The following CDH20 variants were observed in gnomAD, a reference collection of about 807,000 sequenced individuals.
The protein encoded by CDH20 is cadherin 20, also known as cadherin-20.
CDH20 carries 29 observed loss-of-function variants against 74.2 expected under a neutral mutation model. The observed-to-expected ratio is 0.39, with a 90% CI of 0.29 to 0.53. The LOEUF (loss-of-function observed/expected upper bound fraction) is 0.53, where lower values mean the gene tolerates loss of function less well. CDH20 is among the 20% of genes least tolerant of loss of function. The probability of loss-of-function intolerance (pLI) is 0.69; values close to 1 mark genes in which losing one functional copy is unlikely to be tolerated. For synonymous variants in CDH20, 469 were observed against 405.4 expected, an observed-to-expected ratio of 1.16 and a Z score of -1.88; for missense variants, 988 against 1,048.3, an observed-to-expected ratio of 0.94 and a Z score of 0.79.
At chr18:61,454,239 T>C (rs1460201475) in intron 1 of CDH20, among the ~76,000 whole-genome samples, 4 of 152,312 alleles carry the variant, frequency 2.6e-5, no homozygotes, top group Non-Finnish European at 4.4e-5. Context: ...AAATCTTTTA[T>C]CCCGCTCTGT....
chr18:61,503,171 C>G (rs1911445310), intron 5 of CDH20, 51 bp downstream of exon 5: 1 of 1,419,440 alleles, frequency 7.0e-7, no homozygotes, highest in Admixed American at 2.4e-5. Context: ...AGGGACGCAC[C>G]CGTTGCAGAG....
intron 3 of CDH20, among the ~76,000 whole-genome samples, chr18:61,499,974 C>T (rs189250776): frequency 1.9e-4 from 29 of 151,556 alleles, no homozygotes; most frequent in Admixed American, 1.3e-3. Context: ...TGTGGTGGTG[C>T]GCACCTATAG....
intron 1 of CDH20, among the ~76,000 whole-genome samples, chr18:61,420,402 G>A (rs1293726662): frequency 6.7e-6 from 1 of 149,634 alleles, no homozygotes; most frequent in African/African-American, 2.5e-5. Flanking sequence ...TGACCTCCGT[G>A]GGCCGGGCTA....
chr18:61,397,695 C>T (rs1427244437), intron 1 of CDH20, among the ~76,000 whole-genome samples: 2 of 152,114 alleles, frequency 1.3e-5, no homozygotes, highest in East Asian at 1.9e-4. Flanking sequence ...ACTTTGAAGC[C>T]AGCCTGCCTG....
chr18:61,374,234 C>T (rs914194219), intron 1 of CDH20, among the ~76,000 whole-genome samples: 3 of 152,072 alleles, frequency 2.0e-5, no homozygotes, highest in Non-Finnish European at 2.9e-5. Context: ...ATTGAGTTGT[C>T]TTGTCAACAC....
intron 2 of CDH20, among the ~76,000 whole-genome samples, chr18:61,498,708 A>T (rs1356200388): frequency 6.6e-6 from 1 of 152,234 alleles, no homozygotes; most frequent in African/African-American, 2.4e-5. Flanking sequence ...TAACCTTTTT[A>T]TAAACTACTT....
intron 11 of CDH20, among the ~76,000 whole-genome samples, chr18:61,552,436 A>C (rs1334759247): frequency 6.6e-6 from 1 of 152,062 alleles, no homozygotes; most frequent in Non-Finnish European, 1.5e-5. Flanking sequence ...TTTATTTTTC[A>C]AAAGACGGAC....
At chr18:61,532,458 AT>A (rs746949518) in intron 7 of CDH20, among the ~76,000 whole-genome samples, 10 of 152,148 alleles carry the variant, frequency 6.6e-5, no homozygotes, top group Non-Finnish European at 1.0e-4. Flanking sequence ...CAGAAAAAAA[AT>A]ATACATTGTA....
At chr18:61,520,347 A>C (rs1912163071) in intron 6 of CDH20, among the ~76,000 whole-genome samples, 1 of 148,504 alleles carries the variant, frequency 6.7e-6, no homozygotes, top group Non-Finnish European at 1.5e-5. Context: ...AAAGAAGGGC[A>C]TTACAGAATG....
At chr18:61,402,575 C>A (rs1912191571) in intron 1 of CDH20, among the ~76,000 whole-genome samples, 1 of 152,144 alleles carries the variant, frequency 6.6e-6, no homozygotes, top group Non-Finnish European at 1.5e-5. Context: ...ATATGAATAA[C>A]CTGCCTGATG....
At chr18:61,437,525 G>C (rs1908878405) in intron 1 of CDH20, among the ~76,000 whole-genome samples, 1 of 152,166 alleles carries the variant, frequency 6.6e-6, no homozygotes, top group Non-Finnish European at 1.5e-5. Context: ...GAAAGGATTT[G>C]TTAACCCCAC....
At chr18:61,481,290 A>C (rs1009106402) in intron 1 of CDH20, among the ~76,000 whole-genome samples, 1 of 152,222 alleles carries the variant, frequency 6.6e-6, no homozygotes, top group African/African-American at 2.4e-5. Context: ...AGGAAGTTAA[A>C]AATACATATA....
In CDH20 at chr18:61,536,537, T is replaced by C; in HGVS notation, c.1316T>C (p.Val439Ala). The change falls in exon 8 of 12, where the codon GTT becomes GCT. Residue 439 changes from valine (V) to alanine (A), a missense_variant. Val to Ala is a moderately conservative substitution (Grantham distance 64). This residue lies in a region of CDH20 where 613 missense variants were observed against 755.2 expected (regional missense o/e 0.81). Transcript: ENST00000262717. ...RSSDPGRFFY[V>A]DITTGALMTA... ...AGTGACCCTGGAAGATTTTTCTATG[T>C]TGACATTACAACAGGTGCCCTAATG... The C allele has an allele frequency of 6.2e-7, 1 of 1,613,590 alleles. No individual in the cohort carries two copies. Among genetic ancestry groups the C allele is most frequent in the African/African-American group, 1.3e-5 (1 of 75,060 alleles).
At chr18:61,552,935 T>G (rs1180773884) in intron 11 of CDH20, among the ~76,000 whole-genome samples, 1 of 152,170 alleles carries the variant, frequency 6.6e-6, no homozygotes, top group Non-Finnish European at 1.5e-5. Context: ...AGTCTCTTTT[T>G]CTCTAGGAAT....
intron 1 of CDH20, among the ~76,000 whole-genome samples, chr18:61,453,119 G>T (rs1244697396): frequency 2.0e-5 from 3 of 151,958 alleles, no homozygotes; most frequent in Non-Finnish European, 2.9e-5. Context: ...CATCACCACA[G>T]GGCCCTTTAT....
intron 1 of CDH20, among the ~76,000 whole-genome samples, chr18:61,411,230 CCAT>C (rs1912490716): frequency 6.6e-6 from 1 of 151,398 alleles, no homozygotes; most frequent in Admixed American, 6.6e-5. Context: ...GCAAGAATGG[CCAT>C]AATAAAAAAA....
rs1241068023 is a variant in CDH20, at chr18:61,353,100, T to A, written c.-153+19273T>A. Among the ~76,000 whole-genome samples, 1 of 152,224 alleles carries A rather than the reference T, an allele frequency of 6.6e-6. No homozygotes were observed. Among genetic ancestry groups the A allele is most frequent in the African/African-American group, 2.4e-5 (1 of 41,470 alleles). On this transcript the variant is annotated intron_variant, in intron 1 of 11. Coordinates refer to ENST00000262717, the MANE Select transcript of CDH20 (RefSeq NM_031891.4). This position sits in a 1 kb window ranked among gnomAD's most constrained non-coding sequence, Gnocchi z 4.6. ...TTATGGCTACCCTGGTCACCTCCCC[T>A]GCAATCACCTCCATGATGTGTGCCC...
Position 61,528,044 on chromosome 18 carries a change from G to T in CDH20, c.1095G>T (p.Leu365=). The T allele has an allele frequency of 6.2e-7, 1 of 1,614,162 alleles. No homozygotes were observed. Among genetic ancestry groups the T allele is most frequent in the Middle Eastern group, 1.6e-4 (1 of 6,062 alleles). The part of the protein sequence containing the change: ...GANPHLEMRF[L]NLGPFQDTTT... ...ATCCTCACCTAGAGATGCGTTTTCT[G>T]AACTTGGGCCCATTTCAGGACACAA... The change falls in exon 7 of 12, where the codon CTG becomes CTT. Residue 365 remains leucine, a synonymous_variant. Transcript: ENST00000262717.
chr18:61,428,137 A>C (rs1913134804), intron 1 of CDH20, among the ~76,000 whole-genome samples: 1 of 152,192 alleles, frequency 6.6e-6, no homozygotes, highest in Non-Finnish European at 1.5e-5. Flanking sequence ...CCCTCCCTTG[A>C]GTCCCTTTCA....
Sources: allele counts gnomAD v4.1 joint callset (sites outside exome capture counted in the v4.1 genomes callset), GRCh38; gene constraint gnomAD v4.1.1; regional missense constraint gnomAD v4.1.1; non-coding constraint Gnocchi (gnomAD v3.1); transcripts MANE v1.5; gene names NCBI Gene and HGNC (gene_info 2026-07-23, HGNC 2026-07-21).